COG6: variants seen among roughly 807,000 people sequenced by gnomAD.
COG6 encodes component of oligomeric golgi complex 6.
COG6 carries 74 observed loss-of-function variants against 88.8 expected under a neutral mutation model. The observed-to-expected ratio is 0.83, with a 90% confidence interval of 0.69 to 1.01. COG6 has a LOEUF of 1.01. COG6 is among the 50% of genes least tolerant of loss of function. COG6 has a pLI of 0.00. For synonymous variants in COG6, 286 were observed against 278.7 expected (o/e 1.03, Z -0.26); for missense variants, 800 against 797.9 (o/e 1.00, Z -0.03).
At chr13:39,678,566 C>T (rs187511469) in intron 5 of COG6, among the ~76,000 whole-genome samples, 46 of 152,040 alleles carry the variant, frequency 3.0e-4, no homozygotes, top group African/African-American at 9.6e-4. Flanking sequence ...GAAAAAGTTT[C>T]GTTTCTTTTT....
At chr13:39,670,929 TA>T (rs1373523974) in intron 4 of COG6, among the ~76,000 whole-genome samples, 6 of 152,238 alleles carry the variant, frequency 3.9e-5, no homozygotes, top group Admixed American at 2.0e-4. Context: ...AATGGTTTTA[TA>T]TTGCATGTAA....
At chr13:39,692,378 A>G (rs746355758) in intron 11 of COG6, among the ~76,000 whole-genome samples, 9 of 151,940 alleles carry the variant, frequency 5.9e-5, no homozygotes, top group Admixed American at 1.3e-4. Context: ...TTCTCTTTTA[A>G]TAAAAACTTT....
At chr13:39,748,719 A>G (rs1442228801) in intron 18 of COG6, among the ~76,000 whole-genome samples, 1 of 152,138 alleles carries the variant, frequency 6.6e-6, no homozygotes, top group African/African-American at 2.4e-5. Context: ...TAGTACAACC[A>G]GTAGCACCAG....
At chr13:39,745,933 G>A (rs774067217) in intron 18 of COG6, among the ~76,000 whole-genome samples, 4 of 152,116 alleles carry the variant, frequency 2.6e-5, no homozygotes, top group Non-Finnish European at 5.9e-5. Flanking sequence ...GTCCTTTGTA[G>A]GGACATGGAT....
In COG6 at chr13:39,687,746, C is replaced by T. The variant is rs1428739783; in HGVS notation, c.956C>T (p.Thr319Ile). ...GDMLAWLHQATASEKEHLEAL... is the reference protein window; with the variant it reads ...GDMLAWLHQAIASEKEHLEAL... ...ATGTTGGCTTGGCTCCATCAAGCTA[C>T]TGCTTCTGAAAAGGAACACCTTGAA... Residue 319 changes from threonine (T) to isoleucine (I), a missense_variant, in exon 10 of 19, where the codon ACT becomes ATT. Transcript: ENST00000455146. 4 of 1,614,062 alleles carry T rather than the reference C, an allele frequency of 2.5e-6. No homozygotes were observed. The highest frequency in any genetic ancestry group is 1.1e-5 in the South Asian group (1 of 91,074).
intron 18 of COG6, among the ~76,000 whole-genome samples, chr13:39,774,827 C>T (rs966654222): frequency 2.0e-5 from 3 of 152,118 alleles, no homozygotes; most frequent in African/African-American, 4.8e-5. Context: ...CCCACCTCAT[C>T]CTTCCAAAGT....
intron 12 of COG6, among the ~76,000 whole-genome samples, chr13:39,697,041 G>A (rs1477007304): frequency 6.7e-6 from 1 of 149,990 alleles, no homozygotes; most frequent in Non-Finnish European, 1.5e-5. Flanking sequence ...GGTATTGTTT[G>A]CTGAGATAGG....
Position 39,699,540 on chromosome 13 carries a change from CATT to C in COG6, c.1207_1209del (p.Ile403del), listed in dbSNP as rs1178078655. 1 of 1,595,198 alleles carries C rather than the reference CATT, an allele frequency of 6.3e-7. No homozygotes were observed. The highest frequency in any genetic ancestry group is 8.6e-7 in the Non-Finnish European group (1 of 1,164,024). ...ATAGTGCAACTGCATTATTGACTAC[CATT>C]GAAGAAATGCATTTGCTAAGCAAAA... On this transcript the variant is annotated inframe_deletion, in exon 13 of 19. Transcript: ENST00000455146.
At chr13:39,682,535 C>G (rs747042905) in intron 8 of COG6, 2 of 350,916 alleles carry the variant, frequency 5.7e-6, no homozygotes, top group East Asian at 6.3e-5. Context: ...GACTTTTCCC[C>G]TGTCGTCTCA....
intron 12 of COG6, 142 bp downstream of exon 12, chr13:39,694,867 C>T: frequency 1.8e-6 from 1 of 544,550 alleles, no homozygotes; most frequent in East Asian, 3.2e-5. Flanking sequence ...GACTTCCACA[C>T]CATGTAAATC....
chr13:39,734,184 G>GT (rs1449476109), intron 18 of COG6, among the ~76,000 whole-genome samples: 13 of 152,044 alleles, frequency 8.6e-5, no homozygotes, highest in African/African-American at 3.1e-4. Flanking sequence ...TCTTTAAAAT[G>GT]TATCATTAGG....
chr13:39,734,147 G>T (rs1216625695), intron 18 of COG6, among the ~76,000 whole-genome samples: 2 of 151,578 alleles, frequency 1.3e-5, no homozygotes, highest in African/African-American at 4.8e-5. Context: ...ACTAATTTTG[G>T]GTTTGGTTTC....
chr13:39,655,979 G>A (rs1874461710), intron 1 of COG6, 100 bp downstream of exon 1: 1 of 1,426,210 alleles, frequency 7.0e-7, no homozygotes, highest in Admixed American at 2.0e-5. Context: ...CCCTCGTCCC[G>A]GCAGCAGAGG....
In COG6 at chr13:39,662,944, G is replaced by A. The variant is rs529390827; in HGVS notation, c.369+2063G>A. Among the ~76,000 whole-genome samples the A allele has an allele frequency of 4.4e-3, 669 of 151,888 alleles. 4 individuals are homozygous for A. The highest frequency in any genetic ancestry group is 0.011 in the Admixed American group (167 of 15,258). Reference sequence around the variant, plus strand: ...TTTTCTTATAGAATGTTGTTATAATGATTCATTTAATTATTTAATATTTTC... The same window carrying A: ...TTTTCTTATAGAATGTTGTTATAATAATTCATTTAATTATTTAATATTTTC... On this transcript the variant is annotated intron_variant, in intron 3 of 18. Coordinates refer to ENST00000455146, the MANE Select transcript of COG6 (RefSeq NM_020751.3).
chr13:39,670,462 C>T (rs934363890), intron 4 of COG6, among the ~76,000 whole-genome samples: 1 of 151,936 alleles, frequency 6.6e-6, no homozygotes, highest in African/African-American at 2.4e-5. Context: ...GAATCTTAAT[C>T]GAAACCTTGG....
At chr13:39,788,622 A>C in exon 19 of COG6, 1 of 475,038 alleles carries the variant, frequency 2.1e-6, no homozygotes, top group Non-Finnish European at 3.8e-6. Flanking sequence ...GGCTTAAATA[A>C]GTAAATGTAT....
At chr13:39,720,801 T>C (rs1878811882) in intron 15 of COG6, among the ~76,000 whole-genome samples, 1 of 152,060 alleles carries the variant, frequency 6.6e-6, no homozygotes, top group Admixed American at 6.6e-5. Flanking sequence ...GTCTAATGTA[T>C]TAAATTAGAT....
At chr13:39,710,327 T>A (rs948729475) in intron 13 of COG6, among the ~76,000 whole-genome samples, 3 of 152,158 alleles carry the variant, frequency 2.0e-5, no homozygotes, top group African/African-American at 7.2e-5. Context: ...TGATCGTTGA[T>A]TCTGTTTCCA....
At chr13:39,685,216 T>G (rs1419082466) in intron 8 of COG6, among the ~76,000 whole-genome samples, 1 of 152,190 alleles carries the variant, frequency 6.6e-6, no homozygotes, top group Non-Finnish European at 1.5e-5. Context: ...TTGAGAATAT[T>G]TACATAATTT....
Sources: allele counts gnomAD v4.1 joint callset (sites outside exome capture counted in the v4.1 genomes callset), GRCh38; gene constraint gnomAD v4.1.1; transcripts MANE v1.5; gene names NCBI Gene and HGNC (gene_info 2026-07-23, HGNC 2026-07-21).